OAS1: variants seen among roughly 807,000 people sequenced by gnomAD.
OAS1 encodes 2'-5'-oligoadenylate synthetase 1.
Under a neutral mutation model 38.5 loss-of-function variants are expected in OAS1, and 24 were observed. The ratio of observed to expected loss-of-function variants is 0.62; its 90% confidence interval spans 0.45 to 0.88. The LOEUF (loss-of-function observed/expected upper bound fraction) is 0.88, where lower values mean the gene tolerates loss of function less well. Ranked by LOEUF, OAS1 falls within the 40% of genes least tolerant of loss-of-function variation. OAS1 has a pLI of 0.00. For missense variants in OAS1, 482 were observed against 493.9 expected (o/e 0.98, Z 0.23); for synonymous variants, 169 against 193.9 (o/e 0.87, Z 1.07).
intron 3 of OAS1, among the ~76,000 whole-genome samples, chr12:112,916,035 AT>A (rs895755912): frequency 4.6e-5 from 7 of 152,194 alleles, no homozygotes; most frequent in Non-Finnish European, 1.0e-4. Context: ...AAAGAATTTC[AT>A]TTGCTTCTGT....
At chr12:112,922,554 C>CT (rs1565966747), downstream of OAS1, among the ~76,000 whole-genome samples, 1 of 152,148 alleles carries the variant, frequency 6.6e-6, no homozygotes, top group Admixed American at 6.5e-5. Flanking sequence ...CCTGCCTGCC[C>CT]TATTGCCCTT....
chr12:112,912,790 T>C (rs1449332438), intron 3 of OAS1, among the ~76,000 whole-genome samples: 1 of 152,252 alleles, frequency 6.6e-6, no homozygotes, highest in Non-Finnish European at 1.5e-5. Flanking sequence ...TTCTTGATGC[T>C]GTTCTCCTTT....
intron 6 of OAS1, among the ~76,000 whole-genome samples, chr12:112,928,817 T>G (rs1243896941): frequency 6.6e-6 from 1 of 152,216 alleles, no homozygotes; most frequent in Non-Finnish European, 1.5e-5. Flanking sequence ...TGGCAAAGCA[T>G]GGATCCAGGA....
intron 3 of OAS1, among the ~76,000 whole-genome samples, chr12:112,914,051 A>C (rs2043421505): frequency 1.3e-5 from 2 of 152,144 alleles, no homozygotes; most frequent in African/African-American, 4.8e-5. Flanking sequence ...AACAGTGTAC[A>C]TTGTACCCAA....
downstream of OAS1, chr12:112,932,956 C>T (rs2043606976): frequency 6.6e-6 from 1 of 152,196 alleles, no homozygotes; most frequent in Non-Finnish European, 1.5e-5. Context: ...TTCTCTGAGC[C>T]TCAGTTTCAT....
chr12:112,918,768 C>A, intron 5 of OAS1: 1 of 374,624 alleles, frequency 2.7e-6, no homozygotes, highest in Admixed American at 2.9e-5. Context: ...AGACTCTGAG[C>A]AGCTGAGTGA....
chr12:112,918,613 G>A (rs751725391), intron 5 of OAS1: 64 of 455,226 alleles, frequency 1.4e-4, no homozygotes, highest in South Asian at 9.8e-4. Flanking sequence ...CAAAGGCTCA[G>A]AGAGGTGAGG....
downstream of OAS1, among the ~76,000 whole-genome samples, chr12:112,921,745 CT>C (rs2136329723): frequency 6.6e-6 from 1 of 152,278 alleles, no homozygotes; most frequent in Non-Finnish European, 1.5e-5. Flanking sequence ...CCCTTTAGGA[CT>C]TAATAAAAGG....
intron 6 of OAS1, among the ~76,000 whole-genome samples, chr12:112,930,754 A>C (rs2043592115): frequency 6.6e-6 from 1 of 152,260 alleles, no homozygotes. Flanking sequence ...TTTTAATAGC[A>C]ACAGGCTGCT....
rs1215792797 is a variant in OAS1 at position 112,911,097 on chromosome 12, G to A, written c.516G>A (p.Lys172=). ...AACCTAACCCCCAAATCTATGTCAA[G>A]CTCATCGAGGAGTGCACCGACCTGC... The part of the protein sequence containing the change: ...GYKPNPQIYV[K]LIEECTDLQK... Residue 172 remains lysine (K), a synonymous_variant, in exon 3 of 6, where the codon AAG becomes AAA. Transcript: ENST00000202917. 3 of 1,614,084 alleles carry A rather than the reference G, an allele frequency of 1.9e-6. No individual in the cohort carries two copies. The South Asian group carries it at 3.3e-5, about 18-fold the overall frequency.
chr12:112,930,041 G>A (rs2043587907), intron 6 of OAS1, among the ~76,000 whole-genome samples: 1 of 152,130 alleles, frequency 6.6e-6, no homozygotes, highest in African/African-American at 2.4e-5. Flanking sequence ...GATTTCTCAT[G>A]GGTAGTTTAA....
chr12:112,915,635 G>GT (rs2043444748), intron 3 of OAS1, among the ~76,000 whole-genome samples: 1 of 152,072 alleles, frequency 6.6e-6, no homozygotes, highest in African/African-American at 2.4e-5. Flanking sequence ...TTTTAGGATT[G>GT]TTTTTTCTAG....
At position 112,908,568 on chromosome 12, in the gene OAS1, A is replaced by T. The variant is rs778529970; in HGVS notation, c.213A>T (p.Arg71Ser). ...GGSSGKGTTL[R>S]GRSDADLVVF... Reference sequence around the variant, plus strand: ...CCTCAGGCAAGGGCACCACCCTCAGAGGCCGATCTGACGCTGACCTGGTTG... The same window carrying T: ...CCTCAGGCAAGGGCACCACCCTCAGTGGCCGATCTGACGCTGACCTGGTTG... The change falls in exon 2 of 6, where the codon AGA becomes AGT. Residue 71 changes from arginine (R) to serine (S), a missense_variant. Transcript: ENST00000202917. 1.2e-5 allele frequency: 19 copies of T among 1,613,978 alleles called. No homozygotes were observed. The highest frequency in any genetic ancestry group is 9.9e-5 in the South Asian group (9 of 91,082).
At chr12:112,924,474 A>ATC (rs929096941), downstream of OAS1, among the ~76,000 whole-genome samples, 1 of 151,360 alleles carries the variant, frequency 6.6e-6, no homozygotes, top group Non-Finnish European at 1.5e-5. Flanking sequence ...TTTTATATAT[A>ATC]TATCTATATA....
Position 112,919,902 on chromosome 12 carries a change from C to A in OAS1, c.*349C>A, listed in dbSNP as rs2043518567. 1 of 641,688 alleles carries A rather than the reference C, an allele frequency of 1.6e-6. No homozygotes were observed. Among genetic ancestry groups the A allele is most frequent in the African/African-American group, 1.8e-5 (1 of 54,948 alleles). 39.7% of individuals were successfully genotyped at this position (641,688 alleles called of 1,614,324 possible). On this transcript the variant is annotated 3_prime_UTR_variant, in exon 6 of 6. Transcript: ENST00000202917. The stretch of plus-strand genomic sequence containing the variant: ...ATAACAATAAAAATAAAGCAAATAC[C>A]ATTTATTGGGTGTTTATTAACTTCA...
At chr12:112,908,975 C>A in intron 2 of OAS1, 151 bp downstream of exon 2, 2 of 750,736 alleles carry the variant, frequency 2.7e-6, no homozygotes, top group South Asian at 4.4e-5. Context: ...TGAATACGGT[C>A]ATGATCTATC....
At chr12:112,913,540 C>T (rs569647130) in intron 3 of OAS1, among the ~76,000 whole-genome samples, 3 of 152,188 alleles carry the variant, frequency 2.0e-5, no homozygotes, top group Admixed American at 2.0e-4. Context: ...TGTTTTTCAT[C>T]CTTTTGTCTA....
In OAS1 at chr12:112,917,551, G is replaced by C; in HGVS notation, c.889G>C (p.Val297Leu). 1 of 1,614,152 alleles carries C rather than the reference G, an allele frequency of 6.2e-7. No individual in the cohort carries two copies. The highest frequency in any genetic ancestry group is 8.5e-7 in the Non-Finnish European group (1 of 1,180,038). Residue 297 changes from valine to leucine, a missense_variant, in exon 5 of 6, where the codon GTG becomes CTG. Val to Leu is a conservative substitution (Grantham distance 32). Transcript: ENST00000202917. Reference sequence around the variant, plus strand: ...TCTCTAAATGCTGCTCTGCAGGCCTGTGATCCTGGACCCGGCGGACCCTAC... The same window carrying C: ...TCTCTAAATGCTGCTCTGCAGGCCTCTGATCCTGGACCCGGCGGACCCTAC... ...LRRQLTKPRP[V>L]ILDPADPTGN...
chr12:112,922,904 T>C (rs1454581097), downstream of OAS1, among the ~76,000 whole-genome samples: 1 of 152,180 alleles, frequency 6.6e-6, no homozygotes, highest in African/African-American at 2.4e-5. Flanking sequence ...AATTTTTAAA[T>C]TTTTTTGTAG....
Sources: allele counts gnomAD v4.1 joint callset (sites outside exome capture counted in the v4.1 genomes callset), GRCh38; gene constraint gnomAD v4.1.1; transcripts MANE v1.5; gene names NCBI Gene and HGNC (gene_info 2026-07-23, HGNC 2026-07-21).